TTYH3: variants seen among roughly 807,000 people sequenced by gnomAD.
TTYH3 encodes protein tweety homolog 3.
TTYH3 carries 23 observed loss-of-function variants against 68.2 expected under a neutral mutation model. The observed-to-expected ratio is 0.34, with a 90% CI of 0.24 to 0.48. The LOEUF (loss-of-function observed/expected upper bound fraction) is 0.48, where lower values mean the gene tolerates loss of function less well. Ranked by LOEUF, TTYH3 falls within the 20% of genes least tolerant of loss-of-function variation. TTYH3 has a pLI of 0.99. For missense variants in TTYH3, 768 were observed against 727.7 expected, an observed-to-expected ratio of 1.06 and a Z score of -0.64; for synonymous variants, 360 against 332.8, an observed-to-expected ratio of 1.08 and a Z score of -0.89.
chr7:2,643,373 A>AG (rs1312486110), intron 1 of TTYH3, among the ~76,000 whole-genome samples: 1 of 150,538 alleles, frequency 6.6e-6, no homozygotes, highest in African/African-American at 2.5e-5. Flanking sequence ...AAAAAAAAAA[A>AG]TCGTAGAGTC....
intron 1 of TTYH3, among the ~76,000 whole-genome samples, chr7:2,634,042 C>G (rs1785593327): frequency 6.6e-6 from 1 of 152,244 alleles, no homozygotes; most frequent in Admixed American, 6.5e-5. Flanking sequence ...CTCCCCTGCC[C>G]TGCGCTCTGC....
rs748556495 is a variant in TTYH3 at position 2,648,064 on chromosome 7, G to A, written c.722+10G>A. The A allele has an allele frequency of 3.1e-6, 5 of 1,605,322 alleles. No individual in the cohort carries two copies. The South Asian group carries it at 5.5e-5, about 18-fold the overall frequency. On this transcript the variant is annotated intron_variant, in intron 5 of 13. Transcript: ENST00000258796. ...AGGGCATCCTGGTGGGGTGAGTCTG[G>A]GGGTGTCGGCCCCCCGTGGGCCCAA...
At chr7:2,649,688 G>T in intron 6 of TTYH3, 49 bp downstream of exon 6, 1 of 1,564,874 alleles carries the variant, frequency 6.4e-7, no homozygotes, top group East Asian at 2.3e-5. Context: ...CTGGGCACTG[G>T]GGGAGGGACG....
intron 12 of TTYH3, 33 bp downstream of exon 12, chr7:2,658,492 A>G (rs1786401811): frequency 1.3e-6 from 2 of 1,583,786 alleles, no homozygotes; most frequent in Middle Eastern, 1.7e-4. Flanking sequence ...GGGCCAGCGG[A>G]CACGTCAGCT....
intron 6 of TTYH3, 108 bp from the exon 7 acceptor site, chr7:2,649,805 C>T: frequency 6.9e-7 from 1 of 1,446,956 alleles, no homozygotes. Flanking sequence ...GATTCACAGT[C>T]CACCCTCCTG....
intron 1 of TTYH3, among the ~76,000 whole-genome samples, chr7:2,635,329 T>C (rs1367359869): frequency 6.6e-6 from 1 of 152,222 alleles, no homozygotes; most frequent in Non-Finnish European, 1.5e-5. Context: ...ACCCTCGCTC[T>C]GTCGCTTCTT....
Position 2,658,286 on chromosome 7 carries a change from A to G in TTYH3, c.1251A>G (p.Arg417=). 2 of 1,565,108 alleles carry G rather than the reference A, an allele frequency of 1.3e-6. No individual in the cohort carries two copies. The change falls in exon 12 of 14, where the codon AGA becomes AGG. Residue 417 remains arginine, a splice_region_variant and synonymous_variant. Coordinates refer to ENST00000258796, the MANE Select transcript of TTYH3 (RefSeq NM_025250.3). ...CSVPHTWQQK[R]GPDEDGEEEA... ...CCGTGCTGCGTGTCCCTCCTCACAG[A>G]GGCCCTGATGAGGACGGGGAGGAGG...
chr7:2,636,162 A>T (rs940777973), intron 1 of TTYH3, among the ~76,000 whole-genome samples: 1 of 152,228 alleles, frequency 6.6e-6, no homozygotes, highest in Non-Finnish European at 1.5e-5. Flanking sequence ...TGCCGCCACA[A>T]GGTGAGGTCA....
At chr7:2,646,621 A>C (rs1562711866) in intron 1 of TTYH3, among the ~76,000 whole-genome samples, 1 of 152,156 alleles carries the variant, frequency 6.6e-6, no homozygotes, top group East Asian at 1.9e-4. Context: ...TGCAGCCTTG[A>C]GGATGGCGAG....
At position 2,664,699 on chromosome 7, in the gene TTYH3, T is replaced by C. The variant is rs1402059757; in HGVS notation, c.*2960T>C. 1 of 152,332 alleles carries C rather than the reference T, an allele frequency of 6.6e-6. No individual in the cohort carries two copies. Among genetic ancestry groups the C allele is most frequent in the African/African-American group, 2.4e-5 (1 of 41,408 alleles). 9.4% of individuals were successfully genotyped at this position (152,332 alleles called of 1,614,324 possible). A position where few individuals can be genotyped will look rare whatever the true frequency, so the allele number is the denominator to read the frequency against. On this transcript the variant is annotated 3_prime_UTR_variant, in exon 14 of 14. Transcript: ENST00000258796. Reference sequence around the variant, plus strand: ...GTTTGGGGGCTGATTTTTATTTCTTTGGGGGCTTTTTTTCTTGGCAAATAC... The same window carrying C: ...GTTTGGGGGCTGATTTTTATTTCTTCGGGGGCTTTTTTTCTTGGCAAATAC...
At position 2,660,445 on chromosome 7, in the gene TTYH3, C is replaced by T. The variant is rs944521822; in HGVS notation, c.1501-1223C>T. 32 of 985,446 alleles carry T rather than the reference C, an allele frequency of 3.2e-5. No individual in the cohort carries two copies. In the South Asian group the frequency reaches 5.6e-4, roughly 17 times the overall value. 61.0% of individuals were successfully genotyped at this position (985,446 alleles called of 1,614,324 possible). On this transcript the variant is annotated intron_variant, in intron 13 of 13. Transcript: ENST00000258796. ...CAACTGCGTGTCAGGGGCGTGCACA[C>T]GGACAGGCACGTGCCGGCGAGCACG...
At position 2,662,037 on chromosome 7, in the gene TTYH3, C is replaced by G; in HGVS notation, c.*298C>G. ...CCTCTGCAGATGGTCGCCGCACCTACAAGCCCTGGCCGCACCCAACCTGTG... is the reference window on the plus strand; with the variant it reads ...CCTCTGCAGATGGTCGCCGCACCTAGAAGCCCTGGCCGCACCCAACCTGTG... On this transcript the variant is annotated 3_prime_UTR_variant, in exon 14 of 14. Coordinates refer to ENST00000258796, the MANE Select transcript of TTYH3 (RefSeq NM_025250.3). 1.8e-6 allele frequency: 1 copy of G among 563,108 alleles called. No homozygotes were observed. The highest frequency in any genetic ancestry group is 3.2e-6 in the Non-Finnish European group (1 of 312,954). 34.9% of individuals were successfully genotyped at this position (563,108 alleles called of 1,614,324 possible).
Position 2,645,123 on chromosome 7 carries a change from C to G in TTYH3, c.124-1730C>G, listed in dbSNP as rs1468617601. On this transcript the variant is annotated intron_variant, in intron 1 of 13. Transcript: ENST00000258796. This position sits in a 1 kb window ranked among gnomAD's most constrained non-coding sequence, Gnocchi z 4.8. ...ACTGAGGGCCCCAGCTGCTGACACC[C>G]CCCAGGGCACCCCCAAGTTAGCCTC... Among the ~76,000 whole-genome samples the G allele has an allele frequency of 0.019, 2 of 108 alleles. No individual in the cohort carries two copies. Among genetic ancestry groups the G allele is most frequent in the African/African-American group, 0.033 (1 of 30 alleles). 0.1% of individuals were successfully genotyped at this position (108 alleles called of 152,430 possible). A position where few individuals can be genotyped will look rare whatever the true frequency, so the allele number is the denominator to read the frequency against.
In TTYH3 at chr7:2,656,437, G is replaced by C. The variant is rs368141887; in HGVS notation, c.1153G>C (p.Val385Leu). 6.2e-7 allele frequency: 1 copy of C among 1,611,866 alleles called. No individual in the cohort carries two copies. The highest frequency in any genetic ancestry group is 8.5e-7 in the Non-Finnish European group (1 of 1,179,766). Reference protein sequence around the residue: ...QALTGFCYDGVEGLIYLALFS... With the variant: ...QALTGFCYDGLEGLIYLALFS... The stretch of plus-strand genomic sequence containing the variant: ...GCTGACCGGCTTCTGCTATGACGGC[G>C]TGGAGGGCCTCATCTACCTGGCCCT... The change falls in exon 11 of 14, where the codon GTG becomes CTG. Residue 385 changes from valine to leucine, a missense_variant. By Grantham distance (32) the Val-to-Leu change is conservative (BLOSUM62 1). Transcript: ENST00000258796.
chr7:2,661,516 C>T (rs1486983508), intron 13 of TTYH3, 152 bp from the exon 14 acceptor site: 2 of 762,530 alleles, frequency 2.6e-6, no homozygotes, highest in East Asian at 2.7e-5. Context: ...CCTCCTTAGC[C>T]CCTCCCTATA....
At chr7:2,653,754 T>C (rs893092308) in intron 9 of TTYH3, among the ~76,000 whole-genome samples, 2 of 152,142 alleles carry the variant, frequency 1.3e-5, no homozygotes, top group Non-Finnish European at 2.9e-5. Context: ...TCCCAGCTAC[T>C]TCAGAGGCTG....
intron 13 of TTYH3, among the ~76,000 whole-genome samples, chr7:2,659,660 C>CCAGG (rs1786437076): frequency 6.6e-6 from 1 of 152,092 alleles, no homozygotes; most frequent in African/African-American, 2.4e-5. Flanking sequence ...GGCCGGGCTA[C>CCAGG]CAGGACAGGG....
chr7:2,660,507 C>G, intron 13 of TTYH3: 1 of 985,356 alleles, frequency 1.0e-6, no homozygotes, highest in Non-Finnish European at 1.2e-6. Context: ...GGTGCGGGTG[C>G]CTGCTTGGGC....
intron 6 of TTYH3, 83 bp downstream of exon 6, chr7:2,649,722 C>G: frequency 1.3e-6 from 2 of 1,517,576 alleles, no homozygotes; most frequent in Non-Finnish European, 1.8e-6. Context: ...CTCCTCTCCC[C>G]TCCCATCTTC....
Sources: allele counts gnomAD v4.1 joint callset (sites outside exome capture counted in the v4.1 genomes callset), GRCh38; gene constraint gnomAD v4.1.1; non-coding constraint Gnocchi (gnomAD v3.1); transcripts MANE v1.5; gene names NCBI Gene and HGNC (gene_info 2026-07-23, HGNC 2026-07-21).